GPLD1: variants seen among roughly 807,000 people sequenced by gnomAD.
The protein encoded by GPLD1 is glycosylphosphatidylinositol specific phospholipase D1.
GPLD1 carries 84 observed loss-of-function variants against 112.6 expected under a neutral mutation model. The ratio of observed to expected loss-of-function variants is 0.75; its 90% CI spans 0.63 to 0.89. The LOEUF is 0.89. Ranked by LOEUF, GPLD1 falls within the 40% of genes least tolerant of loss-of-function variation. The pLI is 0.00. For synonymous variants in GPLD1, 386 were observed against 403.8 expected, an observed-to-expected ratio of 0.96 and a Z score of 0.53; for missense variants, 1,044 against 1,051.5, an observed-to-expected ratio of 0.99 and a Z score of 0.10.
upstream of GPLD1, chr6:24,489,594 G>C (rs1764499108): frequency 7.5e-6 from 12 of 1,590,816 alleles, no homozygotes; most frequent in Non-Finnish European, 9.4e-6. Context: ...TCCAGGTGCA[G>C]ACCCACCGCT....
intron 14 of GPLD1, 51 bp downstream of exon 14, chr6:24,453,964 G>A (rs777969917): frequency 3.4e-6 from 4 of 1,161,438 alleles, no homozygotes; most frequent in East Asian, 2.4e-5. Flanking sequence ...GCCACAAAAT[G>A]CAAGAGTAGC....
chr6:24,448,120 A>G lies in GPLD1; in HGVS notation c.1521+14T>C. The G allele has an allele frequency of 6.2e-7, 1 of 1,611,840 alleles. No individual in the cohort carries two copies. The highest frequency in any genetic ancestry group is 1.1e-5 in the South Asian group (1 of 90,956). Reference sequence around the variant, plus strand: ...GTTCTAGGTTTCTGCACCTGGCTAAAGTGGTAAACATACCTGGCAAGAAAT... The same window carrying G: ...GTTCTAGGTTTCTGCACCTGGCTAAGGTGGTAAACATACCTGGCAAGAAAT... On this transcript the variant is annotated intron_variant, in intron 16 of 24. Coordinates refer to ENST00000230036, the MANE Select transcript of GPLD1 (RefSeq NM_001503.4).
Position 24,426,821 on chromosome 6 carries a change from T to C in GPLD1, c.*2211A>G, listed in dbSNP as rs1488448303. Among the ~76,000 whole-genome samples the C allele has an allele frequency of 6.6e-6, 1 of 152,222 alleles. No individual in the cohort carries two copies. The highest frequency in any genetic ancestry group is 2.4e-5 in the African/African-American group (1 of 41,460). On this transcript the variant is annotated 3_prime_UTR_variant, in exon 25 of 25. Transcript: ENST00000230036. ...AGATAGGTTGGGCTACCAATAATTG[T>C]CCCTAAACAAAACCAAATGGCGCTT...
intron 22 of GPLD1, among the ~76,000 whole-genome samples, chr6:24,435,568 T>TAGAAAGA (rs1762543598): frequency 6.6e-6 from 1 of 151,906 alleles, no homozygotes; most frequent in Non-Finnish European, 1.5e-5. Flanking sequence ...TTAAATTTTT[T>TAGAAAGA]AAAATAGGTG....
At chr6:24,467,607 T>C (rs1763661576) in intron 7 of GPLD1, among the ~76,000 whole-genome samples, 1 of 152,212 alleles carries the variant, frequency 6.6e-6, no homozygotes, top group Non-Finnish European at 1.5e-5. Context: ...GTGGTTAATT[T>C]TGTGAATTCA....
chr6:24,480,891 T>C (rs889442988), intron 2 of GPLD1, among the ~76,000 whole-genome samples: 14 of 152,308 alleles, frequency 9.2e-5, no homozygotes, highest in Middle Eastern at 3.4e-3. Flanking sequence ...TGGAAGCATT[T>C]GGTTTTTCCA....
At position 24,454,152 on chromosome 6, in the gene GPLD1, C is replaced by T. The variant is rs746620233; in HGVS notation, c.1198G>A (p.Val400Met). 6.2e-7 allele frequency: 1 copy of T among 1,613,908 alleles called. No homozygotes were observed. The highest frequency in any genetic ancestry group is 8.5e-7 in the Non-Finnish European group (1 of 1,179,908). ...GGGCGGCTGTAGCCTGGTGCGCCCA[C>T]CACGAGGTCACCGTGCCCATCCTGG... Reference protein sequence around the residue: ...LNQDGHGDLVVGAPGYSRPGH... With the variant: ...LNQDGHGDLVMGAPGYSRPGH... Residue 400 changes from valine (V) to methionine (M), a missense_variant, in exon 14 of 25, where the codon GTG becomes ATG. Val to Met is a conservative substitution (Grantham distance 21). Coordinates refer to ENST00000230036, the MANE Select transcript of GPLD1 (RefSeq NM_001503.4).
chr6:24,464,970 A>G (rs1355673102), intron 10 of GPLD1, among the ~76,000 whole-genome samples: 1 of 151,972 alleles, frequency 6.6e-6, no homozygotes, highest in Non-Finnish European at 1.5e-5. Flanking sequence ...AGGTGGGTGG[A>G]TCACTTGAGG....
chr6:24,480,110 T>C, intron 2 of GPLD1, 151 bp from the exon 3 acceptor site: 1 of 575,296 alleles, frequency 1.7e-6, no homozygotes, highest in Non-Finnish European at 3.1e-6. Context: ...ATAAAGTAAA[T>C]AAATGATTAA....
rs1763478478 is a variant in GPLD1, at chr6:24,462,775, T to C, written c.842A>G (p.Asn281Ser). Reference protein sequence around the residue: ...NGTSDCNLPENPLFIACGGQQ... With the variant: ...NGTSDCNLPESPLFIACGGQQ... ...GCCGCCACATGCAATGAACAGAGGGTTCTCAGGCAGGTTGCAGTCACTGAG... is the reference window on the plus strand; with the variant it reads ...GCCGCCACATGCAATGAACAGAGGGCTCTCAGGCAGGTTGCAGTCACTGAG... The change falls in exon 11 of 25, where the codon AAC (asparagine) becomes AGC (serine). Residue 281 changes from asparagine (N) to serine (S), a missense_variant. Asn to Ser is a conservative substitution (Grantham distance 46, BLOSUM62 1). Transcript: ENST00000230036. 2 of 1,613,212 alleles carry C rather than the reference T, an allele frequency of 1.2e-6. No individual in the cohort carries two copies. The highest frequency in any genetic ancestry group is 8.5e-7 in the Non-Finnish European group (1 of 1,179,226).
intron 14 of GPLD1, among the ~76,000 whole-genome samples, chr6:24,450,894 C>T (rs1763058188): frequency 6.6e-6 from 1 of 151,390 alleles, no homozygotes; most frequent in African/African-American, 2.4e-5. Context: ...ATCGCTTGAA[C>T]CTGGGAGGCA....
intron 22 of GPLD1, among the ~76,000 whole-genome samples, chr6:24,434,604 G>T (rs1309128985): frequency 2.6e-5 from 4 of 151,930 alleles, no homozygotes; most frequent in African/African-American, 4.8e-5. Flanking sequence ...TTAAGACAGG[G>T]TCTTGGGCGG....
intron 1 of GPLD1, among the ~76,000 whole-genome samples, chr6:24,487,804 A>C (rs1764426073): frequency 6.6e-6 from 1 of 152,174 alleles, no homozygotes; most frequent in Non-Finnish European, 1.5e-5. Context: ...CTAGCAGTAC[A>C]TTTTTAATGG....
At chr6:24,492,270 C>T (rs1764576224), upstream of GPLD1, among the ~76,000 whole-genome samples, 2 of 151,940 alleles carry the variant, frequency 1.3e-5, no homozygotes, top group South Asian at 2.1e-4. Context: ...TTTGGGAGGC[C>T]GAGGTGGGCA....
intron 3 of GPLD1, 88 bp from the exon 4 acceptor site, chr6:24,476,366 T>C (rs1764018010): frequency 2.9e-6 from 2 of 698,570 alleles, no homozygotes; most frequent in South Asian, 3.3e-5. Flanking sequence ...TGCGCTGCTG[T>C]GTCCCTTCTC....
chr6:24,464,089 C>G (rs751299185), intron 10 of GPLD1, among the ~76,000 whole-genome samples: 1 of 152,136 alleles, frequency 6.6e-6, no homozygotes, highest in Non-Finnish European at 1.5e-5. Context: ...CAAGTAAGTG[C>G]AGGTCAATCA....
chr6:24,483,730 G>A (rs144696836), intron 2 of GPLD1, among the ~76,000 whole-genome samples: 71 of 151,914 alleles, frequency 4.7e-4, no homozygotes, highest in African/African-American at 1.3e-3. Context: ...TTGCGGTGTC[G>A]GATTAGAATT....
intron 1 of GPLD1, among the ~76,000 whole-genome samples, chr6:24,487,432 T>C (rs1764414910): frequency 6.6e-6 from 1 of 152,250 alleles, no homozygotes; most frequent in Admixed American, 6.5e-5. Context: ...AATATTATTC[T>C]TTAAATGTCC....
rs772564077 is a variant in GPLD1, at chr6:24,462,752, C to T, written c.865G>A (p.Gly289Ser). The T allele has an allele frequency of 3.2e-5, 52 of 1,613,120 alleles. No homozygotes were observed. The highest frequency in any genetic ancestry group is 4.4e-5 in the Non-Finnish European group (52 of 1,179,274). The change falls in exon 11 of 25, where the codon GGC (glycine) becomes AGC (serine). Residue 289 changes from glycine to serine, a missense_variant. Transcript: ENST00000230036. ...PENPLFIACG[G>S]QQNHTQGSKM... The stretch of plus-strand genomic sequence containing the variant: ...TACCCCTGGGTGTGGTTTTGCTGGC[C>T]GCCACATGCAATGAACAGAGGGTTC...
Sources: gnomAD v4.1 joint callset for allele counts (sites outside exome capture counted in the v4.1 genomes callset) on GRCh38, gnomAD v4.1.1 for gene constraint, MANE v1.5 for transcripts, NCBI Gene and HGNC (gene_info 2026-07-23, HGNC 2026-07-21) for gene names.